The following REDIC1 variants were observed in gnomAD, a reference collection of about 807,000 sequenced individuals.
REDIC1 encodes regulator of DNA class I crossover intermediates 1, also known as HEI10 Interacting Protein 1.
At chr12:39,706,359 A>G in the REDIC1 span, among the ~76,000 whole-genome samples, 1 of 152,166 alleles carries the variant, frequency 6.6e-6, no homozygotes, top group East Asian at 1.9e-4. Flanking sequence ...AGAAGAATCA[A>G]TATTGTTTAA....
At chr12:39,639,937 G>C in the REDIC1 span, among the ~76,000 whole-genome samples, 1 of 151,746 alleles carries the variant, frequency 6.6e-6, no homozygotes, top group African/African-American at 2.4e-5. Flanking sequence ...ATATTTTATA[G>C]TGTTCCGCTG....
chr12:39,709,201 C>A, the REDIC1 span, among the ~76,000 whole-genome samples: 3 of 147,276 alleles, frequency 2.0e-5, no homozygotes, highest in African/African-American at 5.0e-5. Flanking sequence ...AAGTAAGATT[C>A]TGGATTTGGG....
chr12:39,701,903 C>T, the REDIC1 span, among the ~76,000 whole-genome samples: 3 of 152,002 alleles, frequency 2.0e-5, no homozygotes, highest in African/African-American at 7.3e-5. Flanking sequence ...AGAACAAAGA[C>T]ACAACATACC....
the REDIC1 span, among the ~76,000 whole-genome samples, chr12:39,659,627 A>G: frequency 6.6e-6 from 1 of 151,888 alleles, no homozygotes. Context: ...TCTTCCATGT[A>G]TCTATTAGGC....
At chr12:39,714,245 A>G in the REDIC1 span, among the ~76,000 whole-genome samples, 1 of 147,238 alleles carries the variant, frequency 6.8e-6, no homozygotes, top group African/African-American at 2.5e-5. Flanking sequence ...GTATATATGT[A>G]TATACGTATA....
At chr12:39,828,009 C>T in the REDIC1 span, among the ~76,000 whole-genome samples, 14 of 152,160 alleles carry the variant, frequency 9.2e-5, no homozygotes, top group African/African-American at 3.4e-4. Flanking sequence ...TGACTTTGCC[C>T]TTAGAGTTCC....
At chr12:39,838,583 A>G in the REDIC1 span, among the ~76,000 whole-genome samples, 2 of 151,916 alleles carry the variant, frequency 1.3e-5, no homozygotes, top group African/African-American at 2.4e-5. Context: ...TATTTAGAAC[A>G]AAACTGGCTC....
At chr12:39,660,162 T>G in the REDIC1 span, among the ~76,000 whole-genome samples, 1 of 152,192 alleles carries the variant, frequency 6.6e-6, no homozygotes, top group Non-Finnish European at 1.5e-5. Context: ...CGGCAATTAC[T>G]TCACATGCAT....
chr12:39,747,111 G>A, the REDIC1 span, among the ~76,000 whole-genome samples: 1 of 151,964 alleles, frequency 6.6e-6, no homozygotes, highest in African/African-American at 2.4e-5. Flanking sequence ...GAAGGCTTCA[G>A]ATGATCAGAC....
At chr12:39,892,117 T>G in the REDIC1 span, among the ~76,000 whole-genome samples, 2 of 152,226 alleles carry the variant, frequency 1.3e-5, no homozygotes, top group South Asian at 4.1e-4. Flanking sequence ...CAGTTTACAT[T>G]CCCACTTCTG....
the REDIC1 span, among the ~76,000 whole-genome samples, chr12:39,830,902 T>C: frequency 3.6e-4 from 55 of 152,308 alleles, no homozygotes; most frequent in South Asian, 5.8e-3. Context: ...CATCTGCTAA[T>C]TGGATCACAA....
At chr12:39,629,132 A>C in the REDIC1 span, among the ~76,000 whole-genome samples, 15 of 152,242 alleles carry the variant, frequency 9.9e-5, no homozygotes, top group African/African-American at 3.4e-4. Flanking sequence ...AAAGGGAAAC[A>C]ATCGAACACT....
the REDIC1 span, among the ~76,000 whole-genome samples, chr12:39,849,356 C>T: frequency 6.6e-6 from 1 of 152,034 alleles, no homozygotes; most frequent in Non-Finnish European, 1.5e-5. Flanking sequence ...TGAAAGGTGA[C>T]CTAAAAGTCT....
At chr12:39,753,910 G>A in the REDIC1 span, among the ~76,000 whole-genome samples, 2 of 152,126 alleles carry the variant, frequency 1.3e-5, no homozygotes, top group South Asian at 4.1e-4. Context: ...TGAAAAGCTG[G>A]GATTCAAATC....
At chr12:39,764,777 T>C in the REDIC1 span, 2 of 1,584,912 alleles carry the variant, frequency 1.3e-6, no homozygotes, top group Non-Finnish European at 1.7e-6. Context: ...GGCCCAGAAG[T>C]GCAGTCCAGG....
the REDIC1 span, among the ~76,000 whole-genome samples, chr12:39,697,765 AAAAAT>A: frequency 6.6e-6 from 1 of 152,298 alleles, no homozygotes; most frequent in Non-Finnish European, 1.5e-5. Flanking sequence ...CAGATACACA[AAAAAT>A]AAAAAGTAAG....
chr12:39,714,662 C>G, the REDIC1 span, among the ~76,000 whole-genome samples: 3 of 151,766 alleles, frequency 2.0e-5, no homozygotes, highest in African/African-American at 7.3e-5. Flanking sequence ...AGTGGCTGTA[C>G]TAGTTTACAT....
the REDIC1 span, among the ~76,000 whole-genome samples, chr12:39,790,891 G>A: frequency 2.6e-5 from 1 of 38,188 alleles, no homozygotes; most frequent in Non-Finnish European, 5.9e-5. Context: ...GTTGTTTCCT[G>A]ACTTTTTAAT....
the REDIC1 span, among the ~76,000 whole-genome samples, chr12:39,769,376 G>T: frequency 6.6e-6 from 1 of 152,000 alleles, no homozygotes; most frequent in Non-Finnish European, 1.5e-5. Context: ...GAGATGCTTT[G>T]TAGGACTTGA....
Sources: gnomAD v4.1 joint callset for allele counts (sites outside exome capture counted in the v4.1 genomes callset) on GRCh38, gnomAD v4.1.1 for gene constraint, MANE v1.5 for transcripts, NCBI Gene and HGNC (gene_info 2026-07-23, HGNC 2026-07-21) for gene names.